The following TAFA1 variants were observed in gnomAD, a reference collection of about 807,000 sequenced individuals.
TAFA1 encodes the protein TAFA chemokine like family member 1.
TAFA1 carries 4 observed loss-of-function variants against 18.5 expected under a neutral mutation model. The observed-to-expected ratio is 0.22, with a 90% confidence interval of 0.11 to 0.49. The LOEUF (loss-of-function observed/expected upper bound fraction) is 0.49. Ranked by LOEUF, TAFA1 falls within the 20% of genes least tolerant of loss-of-function variation. The pLI, the probability that TAFA1 is intolerant of heterozygous loss-of-function variation, is 0.98. For synonymous variants in TAFA1, 56 were observed against 55.2 expected (o/e 1.01, Z -0.06); for missense variants, 147 against 169.0 (o/e 0.87, Z 0.72).
At chr3:68,181,562 A>C (rs2066201029) in intron 2 of TAFA1, among the ~76,000 whole-genome samples, 1 of 152,154 alleles carries the variant, frequency 6.6e-6, no homozygotes, top group Non-Finnish European at 1.5e-5. Flanking sequence ...AATGTTGCTA[A>C]TAGGGTAATT....
At chr3:68,292,916 T>C (rs926930699) in intron 2 of TAFA1, among the ~76,000 whole-genome samples, 1 of 152,204 alleles carries the variant, frequency 6.6e-6, no homozygotes, top group Non-Finnish European at 1.5e-5. Flanking sequence ...CACTTCCTTA[T>C]TCTTATCCAC....
At chr3:68,167,896 A>C (rs1559544808) in intron 2 of TAFA1, among the ~76,000 whole-genome samples, 1 of 152,166 alleles carries the variant, frequency 6.6e-6, no homozygotes, top group Non-Finnish European at 1.5e-5. Context: ...ATATTAAATA[A>C]ATAAATAAAT....
chr3:67,996,706 T>C, the TAFA1 span, among the ~76,000 whole-genome samples: 142,337 of 152,008 alleles, frequency 0.94, 66,687 homozygotes, highest in South Asian at 0.96. Context: ...GGCTGAGGGA[T>C]GAGAATTCCC....
intron 4 of TAFA1, among the ~76,000 whole-genome samples, chr3:68,542,018 A>C (rs2073385739): frequency 6.6e-6 from 1 of 152,224 alleles, no homozygotes; most frequent in African/African-American, 2.4e-5. Flanking sequence ...AACAGGCCAC[A>C]GTCTAAAGAA....
At position 68,426,868 on chromosome 3, in the gene TAFA1, G is replaced by A. The variant is rs184861978; in HGVS notation, c.259+9448G>A. The stretch of plus-strand genomic sequence containing the variant: ...AACAGGATCAGATTCATGACTGTGG[G>A]TATCATCTAAGAAATATTTCAAGAA... On this transcript the variant is annotated intron_variant, in intron 3 of 4. Transcript: ENST00000478136. 4.9e-4 allele frequency among the ~76,000 whole-genome samples: 74 copies of A among 151,876 alleles called. 1 individual carries two copies. The highest frequency in any genetic ancestry group is 1.5e-3 in the African/African-American group (61 of 41,468).
At chr3:68,296,475 C>T (rs2068209674) in intron 2 of TAFA1, among the ~76,000 whole-genome samples, 1 of 152,072 alleles carries the variant, frequency 6.6e-6, no homozygotes, top group African/African-American at 2.4e-5. Flanking sequence ...TCATGCTAAG[C>T]AGCCACAGAA....
At chr3:68,229,729 A>T (rs966509821) in intron 2 of TAFA1, among the ~76,000 whole-genome samples, 1 of 152,208 alleles carries the variant, frequency 6.6e-6, no homozygotes, top group African/African-American at 2.4e-5. Flanking sequence ...ATGTGCATTC[A>T]TTGGAATGAA....
chr3:68,451,932 T>G (rs2071572419), intron 3 of TAFA1, among the ~76,000 whole-genome samples: 1 of 152,174 alleles, frequency 6.6e-6, no homozygotes, highest in African/African-American at 2.4e-5. Context: ...AGTTTTGTGC[T>G]GTTCTGCATG....
At chr3:68,457,550 A>G (rs971768623) in intron 3 of TAFA1, among the ~76,000 whole-genome samples, 1 of 152,180 alleles carries the variant, frequency 6.6e-6, no homozygotes, top group Non-Finnish European at 1.5e-5. Context: ...GGCCAACTGT[A>G]TATCAACTAC....
At chr3:68,247,768 G>A (rs1483396509) in intron 2 of TAFA1, 1 of 152,104 alleles carries the variant, frequency 6.6e-6, no homozygotes, top group Non-Finnish European at 1.5e-5. Context: ...GAATGTGAAG[G>A]AGCAAGTCTC....
chr3:68,175,423 C>T (rs2066110828), intron 2 of TAFA1, among the ~76,000 whole-genome samples: 2 of 152,318 alleles, frequency 1.3e-5, no homozygotes, highest in South Asian at 4.1e-4. Flanking sequence ...CCCTGCACAA[C>T]CACAAGGGCG....
chr3:68,514,659 G>A (rs1278643252), intron 3 of TAFA1, among the ~76,000 whole-genome samples: 2 of 150,592 alleles, frequency 1.3e-5, no homozygotes, highest in Admixed American at 1.3e-4. Flanking sequence ...TGCCTCAGTA[G>A]TAATAAAAAT....
At chr3:68,098,934 G>A (rs1359816835) in intron 2 of TAFA1, among the ~76,000 whole-genome samples, 1 of 152,074 alleles carries the variant, frequency 6.6e-6, no homozygotes, top group African/African-American at 2.4e-5. Flanking sequence ...AGATGGTGCT[G>A]GGGTAGCTGG....
chr3:68,472,530 ACAC>A (rs1559683620), intron 3 of TAFA1, among the ~76,000 whole-genome samples: 12 of 152,010 alleles, frequency 7.9e-5, no homozygotes, highest in African/African-American at 1.9e-4. Flanking sequence ...ACACACACAC[ACAC>A]AAATACACAT....
chr3:68,466,227 C>T (rs1327268501), intron 3 of TAFA1, among the ~76,000 whole-genome samples: 1 of 152,116 alleles, frequency 6.6e-6, no homozygotes, highest in East Asian at 1.9e-4. Flanking sequence ...TTCTCCTCTG[C>T]CACAGTAGCT....
intron 2 of TAFA1, among the ~76,000 whole-genome samples, chr3:68,062,778 T>G (rs2064621058): frequency 6.6e-6 from 1 of 152,192 alleles, no homozygotes; most frequent in Non-Finnish European, 1.5e-5. Context: ...GGTTAAGAGA[T>G]AACCATAACG....
chr3:68,292,141 C>G (rs2068119681), intron 2 of TAFA1, among the ~76,000 whole-genome samples: 1 of 152,094 alleles, frequency 6.6e-6, no homozygotes. Context: ...TAGATGTTAT[C>G]TACTCTATAC....
chr3:68,481,628 A>C (rs899953578), intron 3 of TAFA1, among the ~76,000 whole-genome samples: 35 of 152,298 alleles, frequency 2.3e-4, no homozygotes, highest in Admixed American at 1.2e-3. Flanking sequence ...AAATTAGACT[A>C]TTACCTTACC....
intron 3 of TAFA1, among the ~76,000 whole-genome samples, chr3:68,441,302 C>G (rs1360407202): frequency 2.0e-5 from 3 of 152,108 alleles, no homozygotes; most frequent in African/African-American, 7.2e-5. Context: ...CCAGCAGATC[C>G]AATGGTGCTT....
Sources: gnomAD v4.1 joint callset for allele counts (sites outside exome capture counted in the v4.1 genomes callset) on GRCh38, gnomAD v4.1.1 for gene constraint, MANE v1.5 for transcripts, NCBI Gene and HGNC (gene_info 2026-07-23, HGNC 2026-07-21) for gene names.